CBFA2T3: variants seen among roughly 807,000 people sequenced by gnomAD.
CBFA2T3 encodes CBFA2/RUNX1 partner transcriptional co-repressor 3.
A neutral mutation model predicts 58.6 loss-of-function variants in CBFA2T3; 31 were observed. The ratio of observed to expected loss-of-function variants is 0.53; its 90% confidence interval spans 0.40 to 0.71. CBFA2T3 has a LOEUF of 0.71. CBFA2T3 is among the 30% of genes least tolerant of loss of function. CBFA2T3 has a pLI of 0.00. For synonymous variants in CBFA2T3, 531 were observed against 421.9 expected (o/e 1.26, Z -3.17); for missense variants, 1,076 against 963.1 (o/e 1.12, Z -1.55).
rs9921391 is a variant in CBFA2T3, at chr16:88,929,841, A to C, written c.152-28185T>G. Among the ~76,000 whole-genome samples, 517 of 141,058 alleles carry C rather than the reference A, an allele frequency of 3.7e-3. 3 individuals are homozygous for C. The highest frequency in any genetic ancestry group is 6.3e-3 in the Admixed American group (90 of 14,224). The allele number at this position is 141,058 out of a possible 152,430, so 92.5% of individuals were successfully genotyped here. On this transcript the variant is annotated intron_variant, in intron 1 of 11. Coordinates refer to ENST00000268679, the MANE Select transcript of CBFA2T3 (RefSeq NM_005187.6). ...AGCTACCAATACCCACAGCTGCATC[A>C]TCCACGCAAAAGCTACCCATGCCCA...
At chr16:88,901,926 G>A (rs903581375) in intron 1 of CBFA2T3, among the ~76,000 whole-genome samples, 13 of 152,232 alleles carry the variant, frequency 8.5e-5, no homozygotes, top group Non-Finnish European at 1.2e-4. Context: ...TGCGAGAGCC[G>A]TGCCCCACTC....
intron 1 of CBFA2T3, chr16:88,939,416 G>C (rs955402957): frequency 1.3e-5 from 2 of 152,194 alleles, no homozygotes; most frequent in African/African-American, 4.8e-5. Flanking sequence ...ATCCTGATGC[G>C]ACACTCTCTT....
At chr16:88,905,822 G>A (rs1970305666) in intron 1 of CBFA2T3, among the ~76,000 whole-genome samples, 1 of 151,828 alleles carries the variant, frequency 6.6e-6, no homozygotes, top group Non-Finnish European at 1.5e-5. Flanking sequence ...GGGCTGGGCT[G>A]CCCAGCTGCA....
At chr16:88,963,235 GGCCAGGGGTGGGCGCTCATCTTCT>G (rs1430398544) in intron 1 of CBFA2T3, among the ~76,000 whole-genome samples, 5 of 100,594 alleles carry the variant, frequency 5.0e-5, no homozygotes, top group Admixed American at 2.8e-4. Flanking sequence ...AGTGGGGGAA[GGCCAGGGGTGGGCGCTCATCTTCT>G]GCCAGGGGTG....
chr16:88,963,932 G>C (rs1283833512), intron 1 of CBFA2T3, among the ~76,000 whole-genome samples: 1 of 152,202 alleles, frequency 6.6e-6, no homozygotes, highest in Non-Finnish European at 1.5e-5. Flanking sequence ...GTGACTTAGG[G>C]GACTCTGCAT....
intron 5 of CBFA2T3, chr16:88,887,121 C>T (rs1211253382): frequency 6.6e-6 from 1 of 152,308 alleles, no homozygotes; most frequent in Non-Finnish European, 1.5e-5. Flanking sequence ...GTAAATAAAT[C>T]CAATTCCCCA....
At chr16:88,934,126 G>A (rs1486320807) in intron 1 of CBFA2T3, among the ~76,000 whole-genome samples, 1 of 151,724 alleles carries the variant, frequency 6.6e-6, no homozygotes, top group East Asian at 1.9e-4. Flanking sequence ...CTGGCATGCC[G>A]AAGCTCCCTT....
At chr16:88,889,774 C>G (rs1043242950) in intron 5 of CBFA2T3, among the ~76,000 whole-genome samples, 1 of 149,434 alleles carries the variant, frequency 6.7e-6, no homozygotes, top group Non-Finnish European at 1.5e-5. Flanking sequence ...CCTCCTCCTC[C>G]AGGGACGACG....
intron 1 of CBFA2T3, chr16:88,941,924 C>G (rs1257636767): frequency 6.6e-6 from 1 of 150,690 alleles, no homozygotes; most frequent in East Asian, 1.9e-4. Context: ...CCCCCGCCCC[C>G]TGCCCCGCGC....
Position 88,917,861 on chromosome 16 carries a change from C to T in CBFA2T3, c.152-16205G>A, listed in dbSNP as rs140086306. On this transcript the variant is annotated intron_variant, in intron 1 of 11. Transcript: ENST00000268679. ...GTGGGTGTGGACGACAGAGTGGGTG[C>T]GGAGGAGAGCGTGGGTGCGGACGAG... 1.0e-4 allele frequency among the ~76,000 whole-genome samples: 15 copies of T among 150,238 alleles called. No individual in the cohort carries two copies. The East Asian group carries it at 2.9e-3, about 29-fold the overall frequency.
intron 5 of CBFA2T3, among the ~76,000 whole-genome samples, chr16:88,888,999 G>A (rs1969514119): frequency 6.6e-6 from 1 of 151,958 alleles, no homozygotes; most frequent in Non-Finnish European, 1.5e-5. Context: ...TAGGCCTGGT[G>A]GGGGCAAGGG....
At chr16:88,881,242 C>G (rs747801573) in intron 9 of CBFA2T3, 49 bp downstream of exon 9, 9 of 1,521,386 alleles carry the variant, frequency 5.9e-6, no homozygotes, top group Non-Finnish European at 8.1e-6. Context: ...GGTGTCCGCC[C>G]CACCAGAGCA....
intron 1 of CBFA2T3, among the ~76,000 whole-genome samples, chr16:88,915,553 C>T (rs1008242245): frequency 0.01 from 43 of 4,120 alleles, 1 homozygote; most frequent in Admixed American, 0.02. Flanking sequence ...GGAGCGTGGA[C>T]AGGGGGAGAG....
rs1972298492 is a variant in CBFA2T3 at position 88,958,992 on chromosome 16, A to T, written c.151+17665T>A. Among the ~76,000 whole-genome samples, 1 of 151,810 alleles carries T rather than the reference A, an allele frequency of 6.6e-6. No individual in the cohort carries two copies. Among genetic ancestry groups the T allele is most frequent in the Non-Finnish European group, 1.5e-5 (1 of 67,954 alleles). On this transcript the variant is annotated intron_variant, in intron 1 of 11. Coordinates refer to ENST00000268679, the MANE Select transcript of CBFA2T3 (RefSeq NM_005187.6). The surrounding 1 kb of genome is among the most constrained non-coding windows in gnomAD (Gnocchi z 4.0). Reference sequence around the variant, plus strand: ...TGGCAACCCTGTCAGCTGCTCATTCACCTAATAGACAAGTGCTGTGTGCCC... The same window carrying T: ...TGGCAACCCTGTCAGCTGCTCATTCTCCTAATAGACAAGTGCTGTGTGCCC...
At chr16:88,962,398 G>A (rs1972387567) in intron 1 of CBFA2T3, among the ~76,000 whole-genome samples, 1 of 152,270 alleles carries the variant, frequency 6.6e-6, no homozygotes, top group South Asian at 2.1e-4. Context: ...CCTCGAAGGT[G>A]AATGCACTTC....
chr16:88,901,076 A>G (rs1164898511), intron 2 of CBFA2T3, among the ~76,000 whole-genome samples: 1 of 152,236 alleles, frequency 6.6e-6, no homozygotes, highest in African/African-American at 2.4e-5. Flanking sequence ...GACCTGCTGT[A>G]TGACCCTGCG....
intron 1 of CBFA2T3, among the ~76,000 whole-genome samples, chr16:88,915,018 G>T (rs1970647112): frequency 6.6e-6 from 1 of 151,428 alleles, no homozygotes; most frequent in Non-Finnish European, 1.5e-5. Context: ...GGCAGGGGTG[G>T]AGGGAGGAAG....
At chr16:88,943,595 A>T (rs1048900858) in intron 1 of CBFA2T3, among the ~76,000 whole-genome samples, 15 of 152,302 alleles carry the variant, frequency 9.8e-5, no homozygotes, top group African/African-American at 3.6e-4. Context: ...CCTGACGCCT[A>T]GCCCAGCGGT....
chr16:88,875,042 C>G lies in CBFA2T3; in HGVS notation c.*1934G>C. The G allele has an allele frequency of 4.3e-6, 1 of 235,258 alleles. No individual in the cohort carries two copies. Among genetic ancestry groups the G allele is most frequent in the Non-Finnish European group, 8.4e-6 (1 of 118,858 alleles). 14.6% of individuals were successfully genotyped at this position (235,258 alleles called of 1,614,324 possible). ...GTATTGCACTGAGTTCCTAGAACTC[C>G]TGATAGCCACGCACACAGATGCCAG... On this transcript the variant is annotated 3_prime_UTR_variant, in exon 12 of 12. Transcript: ENST00000268679.
Sources: gnomAD v4.1 joint callset for allele counts (sites outside exome capture counted in the v4.1 genomes callset) on GRCh38, gnomAD v4.1.1 for gene constraint, Gnocchi (gnomAD v3.1) non-coding constraint, MANE v1.5 for transcripts, NCBI Gene and HGNC (gene_info 2026-07-23, HGNC 2026-07-21) for gene names.